The following RAB37 variants were observed in gnomAD, a reference collection of about 807,000 sequenced individuals.
The protein encoded by RAB37 is ras-related protein Rab-37.
In RAB37, 29 loss-of-function variants were observed where a neutral mutation model predicts 33.1. The ratio of observed to expected loss-of-function variants is 0.88; its 90% CI spans 0.65 to 1.20. The LOEUF is 1.20. Ranked by LOEUF, RAB37 falls within the 50% of genes most tolerant of loss-of-function variation. The probability of loss-of-function intolerance (pLI) is 0.00; values close to 1 mark genes in which losing one functional copy is unlikely to be tolerated. For missense variants in RAB37, 299 were observed against 301.1 expected (o/e 0.99, Z 0.05); for synonymous variants, 128 against 119.5 (o/e 1.07, Z -0.47).
chr17:74,675,911 T>C (rs1349764964), intron 1 of RAB37, among the ~76,000 whole-genome samples: 1 of 152,180 alleles, frequency 6.6e-6, no homozygotes, highest in Non-Finnish European at 1.5e-5. Flanking sequence ...ATCATGTGCC[T>C]GGAGTTTTTA....
At chr17:74,736,766 A>G, upstream of RAB37, 1 of 1,535,632 alleles carries the variant, frequency 6.5e-7, no homozygotes, top group Non-Finnish European at 8.7e-7. Context: ...CTATATTCAG[A>G]TGAGCTCGGG....
At chr17:74,728,687 T>A (rs1205476237) in intron 1 of RAB37, among the ~76,000 whole-genome samples, 1 of 151,438 alleles carries the variant, frequency 6.6e-6, no homozygotes, top group Non-Finnish European at 1.5e-5. Flanking sequence ...TGTGTGCATG[T>A]GTGTTCTGTG....
upstream of RAB37, chr17:74,737,016 C>G (rs761542887): frequency 3.1e-6 from 5 of 1,605,106 alleles, no homozygotes; most frequent in South Asian, 4.4e-5. Flanking sequence ...CTGGATGTGG[C>G]TCATGTCCGA....
At chr17:74,735,014 GAAGGAAGAAAGAAAGAAAGA>G (rs1396694253), upstream of RAB37, among the ~76,000 whole-genome samples, 6 of 64,270 alleles carry the variant, frequency 9.3e-5, 1 homozygote, top group Non-Finnish European at 1.4e-4. Context: ...AGAAAGGAAG[GAAGGAAGAAAGAAAGAAAGA>G]AAGAAAGAAA....
intron 1 of RAB37, among the ~76,000 whole-genome samples, chr17:74,675,008 C>G (rs1007777618): frequency 2.6e-5 from 4 of 152,160 alleles, no homozygotes; most frequent in African/African-American, 9.7e-5. Flanking sequence ...CTTGATGTGA[C>G]TTTGAGCAAC....
At chr17:74,711,315 G>T (rs116798213) in intron 1 of RAB37, among the ~76,000 whole-genome samples, 1 of 152,054 alleles carries the variant, frequency 6.6e-6, no homozygotes, top group Non-Finnish European at 1.5e-5. Context: ...CTCCCAACAC[G>T]ACTCTCACAT....
chr17:74,706,328 G>A (rs2033511397), intron 1 of RAB37, among the ~76,000 whole-genome samples: 1 of 146,874 alleles, frequency 6.8e-6, no homozygotes, highest in African/African-American at 2.5e-5. Context: ...ATAGGTGTGA[G>A]CAACTGTGCC....
At chr17:74,692,784 C>T (rs1181312910) in intron 1 of RAB37, among the ~76,000 whole-genome samples, 2 of 152,166 alleles carry the variant, frequency 1.3e-5, no homozygotes, top group East Asian at 3.9e-4. Flanking sequence ...GGCAGTCAAT[C>T]CTGAAATTCC....
intron 1 of RAB37, among the ~76,000 whole-genome samples, chr17:74,690,092 C>T (rs1320126189): frequency 6.6e-6 from 1 of 152,122 alleles, no homozygotes; most frequent in African/African-American, 2.4e-5. Context: ...GCTGGGTCTA[C>T]AGTCGTGCAC....
intron 1 of RAB37, among the ~76,000 whole-genome samples, chr17:74,721,008 T>C (rs1457975335): frequency 6.6e-6 from 1 of 152,200 alleles, no homozygotes; most frequent in African/African-American, 2.4e-5. Flanking sequence ...TCTATCCGTA[T>C]GCTCCGATGC....
chr17:74,704,036 C>T (rs1048123020), intron 1 of RAB37, among the ~76,000 whole-genome samples: 3 of 152,122 alleles, frequency 2.0e-5, no homozygotes, highest in African/African-American at 4.8e-5. Context: ...CTTTTTCCCC[C>T]AGGTTAGATA....
At chr17:74,735,965 G>C (rs1379381865), upstream of RAB37, among the ~76,000 whole-genome samples, 1 of 152,172 alleles carries the variant, frequency 6.6e-6, no homozygotes, top group Admixed American at 6.5e-5. Context: ...CAGCACTTTG[G>C]GAGGCTGAGG....
intron 1 of RAB37, among the ~76,000 whole-genome samples, chr17:74,716,291 T>A (rs762314279): frequency 6.6e-6 from 1 of 152,190 alleles, no homozygotes; most frequent in Non-Finnish European, 1.5e-5. Context: ...TATGTATGTA[T>A]GTATGTGTGT....
At chr17:74,737,204 CG>C (rs1039458491), upstream of RAB37, 337 of 330,990 alleles carry the variant, frequency 1.0e-3, no homozygotes, top group Non-Finnish European at 1.6e-3. Context: ...GTGGGCGGGG[CG>C]GGGGTGGGGC....
At chr17:74,688,536 G>A (rs2032097909) in intron 1 of RAB37, among the ~76,000 whole-genome samples, 1 of 129,746 alleles carries the variant, frequency 7.7e-6, no homozygotes, top group Non-Finnish European at 1.6e-5. Flanking sequence ...CTGGGTGACA[G>A]AGAAAGACTG....
chr17:74,694,158 G>C (rs1005770415), intron 1 of RAB37, among the ~76,000 whole-genome samples: 18 of 152,166 alleles, frequency 1.2e-4, no homozygotes, highest in African/African-American at 4.3e-4. Context: ...CATCCCTAGG[G>C]TTCTCTGTCT....
At chr17:74,702,754 G>A (rs1035130971) in intron 1 of RAB37, among the ~76,000 whole-genome samples, 3 of 152,192 alleles carry the variant, frequency 2.0e-5, no homozygotes, top group African/African-American at 7.2e-5. Context: ...CCAGAGCTCA[G>A]CACGGTGCAG....
Position 74,743,135 on chromosome 17 carries a change from G to A in RAB37, c.253G>A (p.Asp85Asn). 1 of 1,612,904 alleles carries A rather than the reference G, an allele frequency of 6.2e-7. No individual in the cohort carries two copies. The highest frequency in any genetic ancestry group is 8.5e-7 in the Non-Finnish European group (1 of 1,179,228). ...DGVRVKLQIW[D>N]TAGQERFRSV... ...CCATCCCATCCCTTCCCAGATCTGG[G>A]ACACCGCTGGGCAGGAACGGTTCCG... Residue 85 changes from aspartate (D) to asparagine (N), a missense_variant, in exon 4 of 9, where the codon GAC (aspartate) becomes AAC (asparagine). Transcript: ENST00000392613.
chr17:74,727,747 C>T (rs1166609151), intron 1 of RAB37, among the ~76,000 whole-genome samples: 1 of 152,204 alleles, frequency 6.6e-6, no homozygotes, highest in Non-Finnish European at 1.5e-5. Flanking sequence ...CTCCTCTGTG[C>T]CTTCATGCCC....
Sources: gnomAD v4.1 joint callset for allele counts (sites outside exome capture counted in the v4.1 genomes callset) on GRCh38, gnomAD v4.1.1 for gene constraint, MANE v1.5 for transcripts, NCBI Gene and HGNC (gene_info 2026-07-23, HGNC 2026-07-21) for gene names.